NKAIN3: variants seen among roughly 807,000 people sequenced by gnomAD.
NKAIN3 encodes sodium/potassium-transporting ATPase subunit beta-1-interacting protein 3.
Under a neutral mutation model 30.2 loss-of-function variants are expected in NKAIN3, and 25 were observed. The ratio of observed to expected loss-of-function variants is 0.83; its 90% CI spans 0.60 to 1.16. NKAIN3 has a LOEUF of 1.16. Among genes scored for constraint, NKAIN3 ranks in the 50% most tolerant of loss-of-function variants. NKAIN3 has a pLI of 0.00. For missense variants in NKAIN3, 225 were observed against 254.1 expected, an observed-to-expected ratio of 0.89 and a Z score of 0.78; for synonymous variants, 91 against 89.6, an observed-to-expected ratio of 1.02 and a Z score of -0.09.
chr8:62,341,504 C>T (rs181337602), intron 1 of NKAIN3, among the ~76,000 whole-genome samples: 1 of 152,120 alleles, frequency 6.6e-6, no homozygotes, highest in East Asian at 1.9e-4. Flanking sequence ...TACTTGGTGA[C>T]TCTTTCTGTC....
chr8:62,807,036 C>G (rs1201025695), intron 4 of NKAIN3, among the ~76,000 whole-genome samples: 2 of 152,058 alleles, frequency 1.3e-5, no homozygotes, highest in African/African-American at 2.4e-5. Flanking sequence ...ATATATTATT[C>G]TTTCACTACT....
chr8:62,823,789 GGGCTCAAGGTAGTGTCATTCA>G (rs1301615111), intron 4 of NKAIN3, among the ~76,000 whole-genome samples: 7 of 152,176 alleles, frequency 4.6e-5, no homozygotes, highest in South Asian at 4.2e-4. Context: ...AGTGTCATTT[GGGCTCAAGGTAGTGTCATTCA>G]GGCTCAAGGT....
At chr8:62,667,788 C>A (rs1308853792) in intron 3 of NKAIN3, among the ~76,000 whole-genome samples, 1 of 152,136 alleles carries the variant, frequency 6.6e-6, no homozygotes, top group Admixed American at 6.6e-5. Flanking sequence ...CCATGCATGG[C>A]CTTTACCGCC....
chr8:62,944,452 C>G (rs1311925624), intron 5 of NKAIN3, among the ~76,000 whole-genome samples: 1 of 152,050 alleles, frequency 6.6e-6, no homozygotes, highest in Non-Finnish European at 1.5e-5. Flanking sequence ...TTTTATTGGG[C>G]TTTCTTTGAA....
intron 4 of NKAIN3, among the ~76,000 whole-genome samples, chr8:62,912,525 C>T (rs1821950948): frequency 6.6e-6 from 1 of 152,168 alleles, no homozygotes; most frequent in South Asian, 2.1e-4. Context: ...CATCGACCTT[C>T]TGCAGCTGTA....
intron 1 of NKAIN3, among the ~76,000 whole-genome samples, chr8:62,409,413 A>T (rs1211609863): frequency 6.6e-6 from 1 of 151,950 alleles, no homozygotes; most frequent in Admixed American, 6.6e-5. Context: ...CAAACTTCTG[A>T]CCTCCGGTGC....
intron 4 of NKAIN3, among the ~76,000 whole-genome samples, chr8:62,784,867 A>T (rs528486792): frequency 8.5e-5 from 13 of 152,304 alleles, no homozygotes; most frequent in African/African-American, 3.1e-4. Context: ...ATCCAGCAAC[A>T]TATGAAAAGT....
At chr8:62,587,450 T>C (rs1189299599) in intron 2 of NKAIN3, among the ~76,000 whole-genome samples, 3 of 151,974 alleles carry the variant, frequency 2.0e-5, no homozygotes, top group Non-Finnish European at 2.9e-5. Context: ...TTATAGAACA[T>C]ATATGAATAA....
At chr8:62,367,486 T>C (rs1313093298) in intron 1 of NKAIN3, among the ~76,000 whole-genome samples, 3 of 152,146 alleles carry the variant, frequency 2.0e-5, no homozygotes, top group Non-Finnish European at 2.9e-5. Flanking sequence ...ACGTGATCAA[T>C]AGATGCAGAA....
chr8:62,377,184 A>G (rs1473487035), intron 1 of NKAIN3, among the ~76,000 whole-genome samples: 2 of 152,122 alleles, frequency 1.3e-5, no homozygotes, highest in Non-Finnish European at 2.9e-5. Context: ...AAAAATGTTG[A>G]TTGCTCAAAA....
intron 3 of NKAIN3, among the ~76,000 whole-genome samples, chr8:62,745,708 TG>T (rs201060912): frequency 0.01 from 1,549 of 152,298 alleles, 26 homozygotes; most frequent in African/African-American, 0.034. Flanking sequence ...AAGTGTATTT[TG>T]ATATACATAA....
At chr8:62,826,665 C>A (rs1241654591) in intron 4 of NKAIN3, among the ~76,000 whole-genome samples, 3 of 152,150 alleles carry the variant, frequency 2.0e-5, no homozygotes, top group South Asian at 2.1e-4. Context: ...AAGACAAAAA[C>A]CTGATCTCAT....
chr8:62,859,360 G>A (rs778031414), intron 4 of NKAIN3, among the ~76,000 whole-genome samples: 4 of 151,830 alleles, frequency 2.6e-5, no homozygotes, highest in Non-Finnish European at 5.9e-5. Context: ...TTAATCTCCT[G>A]AGTAACACAG....
chr8:62,802,579 C>G (rs555392561), intron 4 of NKAIN3, among the ~76,000 whole-genome samples: 25 of 152,232 alleles, frequency 1.6e-4, no homozygotes, highest in African/African-American at 6.0e-4. Flanking sequence ...GATTTTGTCA[C>G]CACCAGGCCT....
chr8:62,605,840 G>C (rs1223870371), intron 3 of NKAIN3, among the ~76,000 whole-genome samples: 1 of 151,818 alleles, frequency 6.6e-6, no homozygotes, highest in Non-Finnish European at 1.5e-5. Context: ...TGGATACTGA[G>C]GAACAATTGT....
At chr8:62,740,830 C>T (rs748884533) in intron 3 of NKAIN3, among the ~76,000 whole-genome samples, 1 of 151,884 alleles carries the variant, frequency 6.6e-6, no homozygotes, top group Non-Finnish European at 1.5e-5. Flanking sequence ...AATGAAAGAG[C>T]TCAAACATTT....
At chr8:62,822,181 T>C (rs1818867651) in intron 4 of NKAIN3, among the ~76,000 whole-genome samples, 1 of 152,180 alleles carries the variant, frequency 6.6e-6, no homozygotes, top group African/African-American at 2.4e-5. Flanking sequence ...TGACCTATAG[T>C]GATTGTTCTA....
At chr8:62,582,190 C>T (rs1810326424) in intron 2 of NKAIN3, among the ~76,000 whole-genome samples, 2 of 150,482 alleles carry the variant, frequency 1.3e-5, no homozygotes, top group African/African-American at 2.5e-5. Context: ...CCTTTACTCA[C>T]TTCTTTCTTT....
At chr8:62,913,129 C>T (rs1348193469) in intron 4 of NKAIN3, among the ~76,000 whole-genome samples, 4 of 140,102 alleles carry the variant, frequency 2.9e-5, no homozygotes, top group East Asian at 4.4e-4. Flanking sequence ...GAAGGAACTG[C>T]CTGAGGCTGT....
Sources: allele counts gnomAD v4.1 joint callset (sites outside exome capture counted in the v4.1 genomes callset), GRCh38; gene constraint gnomAD v4.1.1; transcripts MANE v1.5; gene names NCBI Gene and HGNC (gene_info 2026-07-23, HGNC 2026-07-21).